The following ARHGAP44 variants were observed in gnomAD, a reference collection of about 807,000 sequenced individuals.
ARHGAP44 encodes rho GTPase-activating protein 44.
Under a neutral mutation model 106.8 loss-of-function variants are expected in ARHGAP44, and 43 were observed. That is an observed-to-expected ratio of 0.40 (90% CI 0.32 to 0.52). The LOEUF is 0.52. Ranked by LOEUF, ARHGAP44 falls within the 20% of genes least tolerant of loss-of-function variation. ARHGAP44 has a pLI of 0.48. For missense variants in ARHGAP44, 866 were observed against 1,050.5 expected (o/e 0.82, Z 2.43); for synonymous variants, 439 against 410.3 (o/e 1.07, Z -0.85).
intron 1 of ARHGAP44, among the ~76,000 whole-genome samples, chr17:12,841,585 G>GTCTCTCTCTCTCTC (rs146801593): frequency 2.4e-4 from 29 of 123,256 alleles, no homozygotes; most frequent in African/African-American, 9.7e-4. Flanking sequence ...CTGTCTCTCT[G>GTCTCTCTCTCTCTC]TCTCTCTCTC....
intron 7 of ARHGAP44, among the ~76,000 whole-genome samples, chr17:12,939,037 T>C (rs1318434260): frequency 1.3e-5 from 2 of 152,180 alleles, no homozygotes; most frequent in African/African-American, 4.8e-5. Flanking sequence ...ACTCTTTGTT[T>C]TTCTCTGACT....
At chr17:12,911,323 A>G (rs2037731246) in intron 4 of ARHGAP44, among the ~76,000 whole-genome samples, 1 of 144,422 alleles carries the variant, frequency 6.9e-6, no homozygotes, top group African/African-American at 2.5e-5. Flanking sequence ...TACAATATGG[A>G]GATTTTTTTT....
chr17:12,977,253 C>T (rs999414382), intron 18 of ARHGAP44, among the ~76,000 whole-genome samples: 1 of 152,102 alleles, frequency 6.6e-6, no homozygotes, highest in African/African-American at 2.4e-5. Context: ...GTTCTCTCCC[C>T]GCATGGGTTT....
At chr17:12,963,676 T>C (rs1158871831) in intron 16 of ARHGAP44, among the ~76,000 whole-genome samples, 1 of 152,002 alleles carries the variant, frequency 6.6e-6, no homozygotes, top group East Asian at 1.9e-4. Flanking sequence ...CAGTGCCGTG[T>C]GAGCAGACAG....
At position 12,935,040 on chromosome 17, in the gene ARHGAP44, G is replaced by T. The variant is rs984684694; in HGVS notation, c.582+5994G>T. Among the ~76,000 whole-genome samples, 12 of 152,122 alleles carry T rather than the reference G, an allele frequency of 7.9e-5. No individual in the cohort carries two copies. The South Asian group carries it at 2.5e-3, about 32-fold the overall frequency. ...ATCCTCTGTGGCAGCAGCCCCACAGGTTCTGAGTCACTAAATTTATATCGG... is the reference window on the plus strand; with the variant it reads ...ATCCTCTGTGGCAGCAGCCCCACAGTTTCTGAGTCACTAAATTTATATCGG... On this transcript the variant is annotated intron_variant, in intron 7 of 20. Transcript: ENST00000379672.
chr17:12,887,665 C>T (rs1202118541), intron 1 of ARHGAP44, among the ~76,000 whole-genome samples: 1 of 151,784 alleles, frequency 6.6e-6, no homozygotes, highest in African/African-American at 2.4e-5. Flanking sequence ...AATTGAGAAG[C>T]GTTCCTTCTT....
chr17:12,854,312 T>C (rs1282604632), intron 1 of ARHGAP44, among the ~76,000 whole-genome samples: 2 of 152,184 alleles, frequency 1.3e-5, no homozygotes, highest in African/African-American at 4.8e-5. Context: ...TGATCTGTTG[T>C]GGTCTTTTTT....
chr17:12,943,724 C>G, intron 9 of ARHGAP44, 55 bp downstream of exon 9: 4 of 1,544,400 alleles, frequency 2.6e-6, no homozygotes, highest in Non-Finnish European at 3.6e-6. Context: ...CTTGCCTTCC[C>G]GGATGAGATG....
At chr17:12,909,056 A>T (rs2037645149) in intron 4 of ARHGAP44, 83 bp downstream of exon 4, 2 of 1,203,782 alleles carry the variant, frequency 1.7e-6, no homozygotes, top group East Asian at 5.3e-5. Flanking sequence ...CTCTCAGGGA[A>T]GCACCTGAAT....
rs9902922 is a variant in ARHGAP44 at position 12,922,257 on chromosome 17, G to A, written c.464+2426G>A. Among the ~76,000 whole-genome samples the A allele has an allele frequency of 1.9e-3, 287 of 152,238 alleles. 1 individual carries two copies. Among genetic ancestry groups the A allele is most frequent in the African/African-American group, 6.6e-3 (272 of 41,522 alleles). Reference sequence around the variant, plus strand: ...TTGTTAAAAAAGAAGAAGGGGAGGCGAGGCGTTAGGTGGTTTTAAAATTAT... The same window carrying A: ...TTGTTAAAAAAGAAGAAGGGGAGGCAAGGCGTTAGGTGGTTTTAAAATTAT... On this transcript the variant is annotated intron_variant, in intron 6 of 20. Coordinates refer to ENST00000379672, the MANE Select transcript of ARHGAP44 (RefSeq NM_014859.6).
In ARHGAP44 at chr17:12,990,050, T is replaced by C; in HGVS notation, c.2336T>C (p.Ile779Thr). 1 of 1,605,208 alleles carries C rather than the reference T, an allele frequency of 6.2e-7. No individual in the cohort carries two copies. The highest frequency in any genetic ancestry group is 8.5e-7 in the Non-Finnish European group (1 of 1,172,542). The change falls in exon 21 of 21, where the codon ATT (isoleucine) becomes ACT (threonine). Residue 779 changes from isoleucine (I) to threonine (T), a missense_variant. Physicochemically the swap from Ile to Thr is moderately conservative, Grantham distance 89. Transcript: ENST00000379672. ...SMSTDLVHFD[I>T]PSIHIELGST... ...CTTCCAGATCTTGTCCACTTTGATATTCCCTCGATCCACATAGAGCTCGGG... is the reference window on the plus strand; with the variant it reads ...CTTCCAGATCTTGTCCACTTTGATACTCCCTCGATCCACATAGAGCTCGGG...
intron 1 of ARHGAP44, among the ~76,000 whole-genome samples, chr17:12,858,761 C>G (rs2035981197): frequency 6.6e-6 from 1 of 152,032 alleles, no homozygotes; most frequent in African/African-American, 2.4e-5. Context: ...TTTCATGCTG[C>G]TTATAAAGAC....
chr17:12,895,126 T>C, intron 2 of ARHGAP44, 147 bp downstream of exon 2: 1 of 701,660 alleles, frequency 1.4e-6, no homozygotes, highest in Non-Finnish European at 2.3e-6. Flanking sequence ...CGAGACTCTG[T>C]CTCAAAACAA....
Position 12,990,331 on chromosome 17 carries a change from C to A in ARHGAP44, c.*160C>A, listed in dbSNP as rs148498085. ...TGGCAGAAAATTGTGATCTCCAGTC[C>A]GTGTGGTGATGCTGGTGGTGCAGGT... On this transcript the variant is annotated 3_prime_UTR_variant, in exon 21 of 21. Coordinates refer to ENST00000379672, the MANE Select transcript of ARHGAP44 (RefSeq NM_014859.6). 31 of 924,924 alleles carry A rather than the reference C, an allele frequency of 3.4e-5. No homozygotes were observed. The highest frequency in any genetic ancestry group is 4.9e-5 in the Non-Finnish European group (31 of 634,020). The allele number at this position is 924,924 out of a possible 1,614,324, so 57.3% of individuals were successfully genotyped here. A position where few individuals can be genotyped will look rare whatever the true frequency, so the allele number is the denominator to read the frequency against.
chr17:12,790,151 C>T (rs966545891), intron 1 of ARHGAP44: 17 of 452,766 alleles, frequency 3.8e-5, no homozygotes, highest in Admixed American at 9.1e-5. Context: ...ACCTGCGTCC[C>T]CGGCTGCCCC....
chr17:12,943,811 A>T (rs2038768861), intron 9 of ARHGAP44, 142 bp downstream of exon 9: 1 of 1,031,740 alleles, frequency 9.7e-7, no homozygotes, highest in Non-Finnish European at 1.4e-6. Context: ...ACTTACTTCC[A>T]AACTGGTGCC....
At chr17:12,922,531 G>T (rs1464315600) in intron 6 of ARHGAP44, among the ~76,000 whole-genome samples, 2 of 152,186 alleles carry the variant, frequency 1.3e-5, no homozygotes, top group African/African-American at 4.8e-5. Flanking sequence ...TCTGAAACCT[G>T]GGGCTTAGCT....
chr17:12,911,113 A>C (rs2037724152), intron 4 of ARHGAP44, among the ~76,000 whole-genome samples: 1 of 151,984 alleles, frequency 6.6e-6, no homozygotes. Flanking sequence ...CAATCATTGC[A>C]TATATCTCTG....
intron 1 of ARHGAP44, among the ~76,000 whole-genome samples, chr17:12,894,232 G>C (rs1347985048): frequency 1.4e-5 from 2 of 142,492 alleles, no homozygotes; most frequent in African/African-American, 5.6e-5. Flanking sequence ...GTGTGTGAGA[G>C]AGAGAGAGAG....
Sources: allele counts gnomAD v4.1 joint callset (sites outside exome capture counted in the v4.1 genomes callset), GRCh38; gene constraint gnomAD v4.1.1; transcripts MANE v1.5; gene names NCBI Gene and HGNC (gene_info 2026-07-23, HGNC 2026-07-21).